The following ERC1 variants were observed in gnomAD, a reference collection of about 807,000 sequenced individuals.
The protein encoded by ERC1 is ELKS/RAB6-interacting/CAST family member 1.
ERC1 carries 56 observed loss-of-function variants against 132.0 expected under a neutral mutation model. The observed-to-expected ratio is 0.42, with a 90% CI of 0.34 to 0.53. The LOEUF is 0.53. ERC1 is among the 20% of genes least tolerant of loss of function. The pLI is 0.03. For missense variants in ERC1, 1,202 were observed against 1,349.9 expected, an observed-to-expected ratio of 0.89 and a Z score of 1.72; for synonymous variants, 478 against 476.1, an observed-to-expected ratio of 1.00 and a Z score of -0.05.
chr12:1,001,007 G>T (rs937553990), intron 1 of ERC1, among the ~76,000 whole-genome samples: 2 of 152,028 alleles, frequency 1.3e-5, no homozygotes, highest in Non-Finnish European at 2.9e-5. Flanking sequence ...AGGTTCAAGC[G>T]ATTCTCCTGC....
intron 12 of ERC1, among the ~76,000 whole-genome samples, chr12:1,197,731 A>G (rs996657417): frequency 3.3e-5 from 5 of 152,224 alleles, no homozygotes; most frequent in Non-Finnish European, 5.9e-5. Context: ...GCGTTTATCT[A>G]TAGCTTGTCT....
chr12:1,164,200 C>G (rs1952138701), intron 8 of ERC1, among the ~76,000 whole-genome samples: 1 of 151,236 alleles, frequency 6.6e-6, no homozygotes, highest in Non-Finnish European at 1.5e-5. Context: ...CTGTTGTATT[C>G]TGTTGGTCAT....
chr12:1,433,978 CAAAAAAAAAAA>C (rs763612916), intron 17 of ERC1, among the ~76,000 whole-genome samples: 1 of 46,298 alleles, frequency 2.2e-5, no homozygotes. Context: ...GACCCTGTCT[CAAAAAAAAAAA>C]AAAAAAAAAA....
At chr12:1,158,508 G>A (rs1305114063) in intron 8 of ERC1, among the ~76,000 whole-genome samples, 1 of 151,670 alleles carries the variant, frequency 6.6e-6, no homozygotes, top group Non-Finnish European at 1.5e-5. Context: ...TCGGCTCACC[G>A]CAACCTCGCC....
At chr12:1,334,272 GTTGCTTTTGGCATCCT>G (rs1218628686) in intron 15 of ERC1, among the ~76,000 whole-genome samples, 3 of 152,158 alleles carry the variant, frequency 2.0e-5, no homozygotes, top group Non-Finnish European at 4.4e-5. Context: ...TTTTGTTGCA[GTTGCTTTTGGCATCCT>G]CATTATAAAA....
At chr12:1,218,651 A>G (rs1958649479) in intron 12 of ERC1, among the ~76,000 whole-genome samples, 1 of 151,942 alleles carries the variant, frequency 6.6e-6, no homozygotes, top group African/African-American at 2.4e-5. Context: ...TTTACCTTTC[A>G]GCATCATTCT....
intron 3 of ERC1, among the ~76,000 whole-genome samples, chr12:1,095,966 T>C (rs914293057): frequency 2.8e-4 from 43 of 151,726 alleles, no homozygotes; most frequent in African/African-American, 1.0e-3. Flanking sequence ...GGTCTGACTT[T>C]GTCACCTAGA....
intron 18 of ERC1, among the ~76,000 whole-genome samples, chr12:1,484,158 A>C (rs780531153): frequency 1.3e-5 from 2 of 151,936 alleles, no homozygotes; most frequent in Non-Finnish European, 2.9e-5. Context: ...ACAAAAAATT[A>C]GCCGAGCGTG....
intron 2 of ERC1, among the ~76,000 whole-genome samples, chr12:1,053,846 T>G (rs1945025632): frequency 6.6e-6 from 1 of 152,190 alleles, no homozygotes; most frequent in Non-Finnish European, 1.5e-5. Flanking sequence ...CTTTGCAAAT[T>G]ATGGTATGTT....
intron 1 of ERC1, among the ~76,000 whole-genome samples, chr12:993,864 T>C (rs1375923840): frequency 1.3e-5 from 2 of 152,132 alleles, no homozygotes; most frequent in Non-Finnish European, 2.9e-5. Context: ...ATCATGCCAC[T>C]GCACTCCAGT....
At chr12:1,002,160 C>CTTT (rs71055117) in intron 1 of ERC1, among the ~76,000 whole-genome samples, 425 of 38,478 alleles carry the variant, frequency 0.011, 67 homozygotes, top group African/African-American at 0.015. Flanking sequence ...CCATGCCCGG[C>CTTT]TTTTTTTTTT....
chr12:1,418,725 T>TCTTTCTTTCTTTCTTTCTTTCTTTC (rs1431578086), intron 17 of ERC1, among the ~76,000 whole-genome samples: 1 of 137,134 alleles, frequency 7.3e-6, no homozygotes, highest in Admixed American at 7.6e-5. Context: ...TTTCTTTCTT[T>TCTTTCTTTCTTTCTTTCTTTCTTTC]TTGGAGACAG....
intron 13 of ERC1, chr12:1,257,343 C>G (rs1386000874): frequency 6.6e-6 from 1 of 152,136 alleles, no homozygotes; most frequent in East Asian, 1.9e-4. Context: ...AGTTCTTGAC[C>G]CACACAAACT....
intron 2 of ERC1, among the ~76,000 whole-genome samples, chr12:1,059,172 A>G (rs902979635): frequency 1.3e-5 from 2 of 152,134 alleles, no homozygotes; most frequent in African/African-American, 2.4e-5. Flanking sequence ...ACTGATTTTT[A>G]TATGTTGATT....
chr12:1,326,683 GT>G (rs59309520), intron 15 of ERC1, among the ~76,000 whole-genome samples: 10,157 of 152,218 alleles, frequency 0.067, 429 homozygotes, highest in East Asian at 0.13. Flanking sequence ...AATGTTTTAG[GT>G]TGAAAAGTTG....
At chr12:1,231,107 T>G (rs912390760) in intron 12 of ERC1, among the ~76,000 whole-genome samples, 8 of 152,074 alleles carry the variant, frequency 5.3e-5, no homozygotes, top group Non-Finnish European at 1.2e-4. Flanking sequence ...TGTAGGTCCT[T>G]TGTTCCTTTC....
At chr12:1,287,630 C>G (rs1365012718) in intron 14 of ERC1, among the ~76,000 whole-genome samples, 2 of 152,192 alleles carry the variant, frequency 1.3e-5, no homozygotes, top group African/African-American at 4.8e-5. Flanking sequence ...CTTTTCCTTG[C>G]ATTCATTCAG....
intron 18 of ERC1, among the ~76,000 whole-genome samples, chr12:1,472,099 C>T (rs1339126175): frequency 2.6e-5 from 4 of 152,086 alleles, no homozygotes; most frequent in African/African-American, 9.7e-5. Flanking sequence ...TTGTAGGTCT[C>T]GTTGTTCCAT....
At chr12:1,082,908 T>C (rs1942437879) in intron 2 of ERC1, among the ~76,000 whole-genome samples, 1 of 152,250 alleles carries the variant, frequency 6.6e-6, no homozygotes, top group African/African-American at 2.4e-5. Flanking sequence ...AACAGTGTCT[T>C]TATTGTAGTT....
Sources: gnomAD v4.1 joint callset for allele counts (sites outside exome capture counted in the v4.1 genomes callset) on GRCh38, gnomAD v4.1.1 for gene constraint, MANE v1.5 for transcripts, NCBI Gene and HGNC (gene_info 2026-07-23, HGNC 2026-07-21) for gene names.